Variants in MRE11 observed in about 807,000 individuals in gnomAD.
The protein encoded by MRE11 is double-strand break repair protein MRE11.
MRE11 carries 62 observed loss-of-function variants against 91.7 expected under a neutral mutation model. That is an observed-to-expected ratio of 0.68 (90% CI 0.55 to 0.84). MRE11 has a LOEUF of 0.84. Ranked by LOEUF, MRE11 falls within the 40% of genes least tolerant of loss-of-function variation. The pLI is 0.00. For missense variants in MRE11, 796 were observed against 852.9 expected (o/e 0.93, Z 0.83); for synonymous variants, 273 against 271.4 (o/e 1.01, Z -0.06).
chr11:94,422,748 G>A lies in MRE11; in HGVS notation c.2071-2567C>T, dbSNP rs1021059088. 3.3e-5 allele frequency among the ~76,000 whole-genome samples: 5 copies of A among 151,482 alleles called. No homozygotes were observed. In the East Asian group the frequency reaches 5.8e-4, roughly 18 times the overall value. On this transcript the variant is annotated intron_variant, in intron 19 of 19. Coordinates refer to ENST00000323929, the MANE Select transcript of MRE11 (RefSeq NM_005591.4). Reference sequence around the variant, plus strand: ...TTTTTTTTGAGATGGAGTTTCGCTCGTGTTGCCCAGGCTGGAGTGCAATGG... The same window carrying A: ...TTTTTTTTGAGATGGAGTTTCGCTCATGTTGCCCAGGCTGGAGTGCAATGG...
At chr11:94,432,232 T>G (rs1021555161) in intron 18 of MRE11, among the ~76,000 whole-genome samples, 2 of 152,196 alleles carry the variant, frequency 1.3e-5, no homozygotes, top group African/African-American at 4.8e-5. Context: ...CCTCCACTAC[T>G]TACCATAGAC....
intron 19 of MRE11, among the ~76,000 whole-genome samples, chr11:94,420,888 C>T (rs543291018): frequency 2.4e-4 from 37 of 152,068 alleles, no homozygotes; most frequent in East Asian, 7.7e-4. Flanking sequence ...AAAAATTGGC[C>T]GGGTGTGGTG....
Position 94,416,500 on chromosome 11 carries a change from T to A in MRE11, c.*3625A>T, listed in dbSNP as rs781450217. The A allele has an allele frequency of 6.6e-6, 1 of 152,012 alleles. No individual in the cohort carries two copies. Among genetic ancestry groups the A allele is most frequent in the Non-Finnish European group, 1.5e-5 (1 of 68,014 alleles). The allele number at this position is 152,012 out of a possible 1,614,324, so 9.4% of individuals were successfully genotyped here. A position where few individuals can be genotyped will look rare whatever the true frequency, so the allele number is the denominator to read the frequency against. On this transcript the variant is annotated 3_prime_UTR_variant, in exon 20 of 20. Transcript: ENST00000323929. Reference sequence around the variant, plus strand: ...AACTCATTGGACTGAAAAACCCAAATCTTCATTATACCAAACTTCTATAAT... The same window carrying A: ...AACTCATTGGACTGAAAAACCCAAAACTTCATTATACCAAACTTCTATAAT...
the MRE11 span, among the ~76,000 whole-genome samples, chr11:94,505,443 T>G: frequency 6.6e-6 from 1 of 152,084 alleles, no homozygotes; most frequent in Non-Finnish European, 1.5e-5. Flanking sequence ...AGTTTAAAAT[T>G]TAAAAATATA....
intron 13 of MRE11, among the ~76,000 whole-genome samples, chr11:94,457,900 C>CACAT: frequency 1.3e-5 from 2 of 151,684 alleles, no homozygotes; most frequent in African/African-American, 4.8e-5. Context: ...CACACACACA[C>CACAT]ACACACACAC....
chr11:94,440,309 T>G (rs571743609), intron 16 of MRE11, among the ~76,000 whole-genome samples: 1 of 152,334 alleles, frequency 6.6e-6, no homozygotes, highest in African/African-American at 2.4e-5. Flanking sequence ...AAATAGAAGC[T>G]TTATTCTATG....
At chr11:94,475,311 G>T (rs1946822021) in intron 7 of MRE11, 2 of 197,894 alleles carry the variant, frequency 1.0e-5, no homozygotes, top group East Asian at 1.1e-4. Flanking sequence ...ATCTAGAGAT[G>T]ATTTAAAGTA....
intron 19 of MRE11, among the ~76,000 whole-genome samples, chr11:94,421,177 A>G (rs1348080499): frequency 6.6e-6 from 1 of 152,236 alleles, no homozygotes; most frequent in Non-Finnish European, 1.5e-5. Flanking sequence ...AATTTTATGA[A>G]GATAAAACCA....
At chr11:94,512,401 G>C in the MRE11 span, 6 of 1,068,082 alleles carry the variant, frequency 5.6e-6, no homozygotes, top group African/African-American at 4.9e-5. Context: ...CTAGGGCCTC[G>C]GAAGGCCGGC....
chr11:94,425,244 C>T (rs1945281074), intron 19 of MRE11, among the ~76,000 whole-genome samples: 1 of 152,120 alleles, frequency 6.6e-6, no homozygotes, highest in South Asian at 2.1e-4. Flanking sequence ...CATATCCCAC[C>T]AAACTAAGCT....
chr11:94,447,397 C>A lies in MRE11; in HGVS notation c.1605G>T (p.Glu535Asp). The change falls in exon 15 of 20, where the codon GAG (glutamate) becomes GAT (aspartate). Residue 535 changes from glutamate to aspartate, a missense_variant. Coordinates refer to ENST00000323929, the MANE Select transcript of MRE11 (RefSeq NM_005591.4). The stretch of plus-strand genomic sequence containing the variant: ...CATCAGCACTAAAGGCAGAAGCAGA[C>A]TCCTCTGACTGAGATCTGAGTGCTC... ...RARALRSQSE[E>D]SASAFSADDL... 6.2e-7 allele frequency: 1 copy of A among 1,614,186 alleles called. No individual in the cohort carries two copies. The highest frequency in any genetic ancestry group is 1.1e-5 in the South Asian group (1 of 91,090).
the MRE11 span, among the ~76,000 whole-genome samples, chr11:94,502,534 T>C: frequency 9.8e-5 from 15 of 152,372 alleles, no homozygotes; most frequent in Admixed American, 8.5e-4. Context: ...CACAAGCAAC[T>C]GCATTTGCTT....
intron 18 of MRE11, among the ~76,000 whole-genome samples, chr11:94,435,446 T>C (rs7126861): frequency 0.12 from 17,899 of 152,034 alleles, 1,163 homozygotes; most frequent in South Asian, 0.18. Flanking sequence ...ATCCCAACTA[T>C]TCAGGAGGCT....
chr11:94,503,331 G>T, the MRE11 span, among the ~76,000 whole-genome samples: 4 of 152,116 alleles, frequency 2.6e-5, no homozygotes, highest in Non-Finnish European at 5.9e-5. Flanking sequence ...AATAAGGAGA[G>T]AATTGCATTT....
chr11:94,447,018 T>C (rs911347272), intron 15 of MRE11, among the ~76,000 whole-genome samples: 2 of 152,232 alleles, frequency 1.3e-5, no homozygotes, highest in African/African-American at 2.4e-5. Flanking sequence ...CCTAAGTGCA[T>C]GTGGCCATTC....
chr11:94,460,840 A>T, intron 12 of MRE11, 96 bp downstream of exon 12: 1 of 992,328 alleles, frequency 1.0e-6, no homozygotes, highest in Non-Finnish European at 1.6e-6. Context: ...CATTTTGAGG[A>T]TTCATTTTGT....
At chr11:94,472,735 G>A (rs1946749218) in intron 7 of MRE11, among the ~76,000 whole-genome samples, 2 of 152,024 alleles carry the variant, frequency 1.3e-5, no homozygotes, top group Admixed American at 1.3e-4. Flanking sequence ...ATGTGTATAA[G>A]GTATATATAA....
intron 19 of MRE11, among the ~76,000 whole-genome samples, chr11:94,421,475 T>G (rs1156542984): frequency 6.6e-6 from 1 of 152,262 alleles, no homozygotes; most frequent in Non-Finnish European, 1.5e-5. Context: ...GATAATTTGC[T>G]AATAGTTTGT....
rs1945091058 is a variant in MRE11, at chr11:94,418,886, T to C, written c.*1239A>G. 4.3e-6 allele frequency: 1 copy of C among 230,866 alleles called. No homozygotes were observed. Among genetic ancestry groups the C allele is most frequent in the Non-Finnish European group, 8.6e-6 (1 of 116,686 alleles). 14.3% of individuals were successfully genotyped at this position (230,866 alleles called of 1,614,324 possible). A position where few individuals can be genotyped will look rare whatever the true frequency, so the allele number is the denominator to read the frequency against. ...CTATATGAGGCAGCCACTAACCAAG[T>C]GTCTGTCTCTTATAATTTGACACAT... On this transcript the variant is annotated 3_prime_UTR_variant, in exon 20 of 20. Coordinates refer to ENST00000323929, the MANE Select transcript of MRE11 (RefSeq NM_005591.4).
Sources: allele counts gnomAD v4.1 joint callset (sites outside exome capture counted in the v4.1 genomes callset), GRCh38; gene constraint gnomAD v4.1.1; transcripts MANE v1.5; gene names NCBI Gene and HGNC (gene_info 2026-07-23, HGNC 2026-07-21).